Variants in WASF3 observed in about 807,000 individuals in gnomAD.
WASF3 encodes actin-binding protein WASF3.
Under a neutral mutation model 46.6 loss-of-function variants are expected in WASF3, and 11 were observed. The observed-to-expected ratio is 0.24, with a 90% CI of 0.15 to 0.39. WASF3 has a LOEUF of 0.39. Ranked by LOEUF, WASF3 falls within the 10% of genes least tolerant of loss-of-function variation. The pLI is 1.00. For missense variants in WASF3, 576 were observed against 669.8 expected (o/e 0.86, Z 1.55); for synonymous variants, 242 against 259.7 (o/e 0.93, Z 0.65).
At chr13:26,636,483 C>T (rs574849599) in intron 2 of WASF3, among the ~76,000 whole-genome samples, 13 of 152,296 alleles carry the variant, frequency 8.5e-5, no homozygotes, top group East Asian at 3.9e-4. Context: ...GGCAATGCCC[C>T]GCCCTGCTTT....
At position 26,685,838 on chromosome 13, in the gene WASF3, C is replaced by G. The variant is rs755745237; in HGVS notation, c.1502C>G (p.Ser501Cys). ...TCAGAGTTCGACGAGAACGACTGGT[C>G]CGACTGAGCAAAGGCCGGCGGAGAG... ...DDSEFDENDW[S>C]D Residue 501 changes from serine (S) to cysteine (C), a missense_variant, in exon 10 of 10, where the codon TCC becomes TGC. By Grantham distance (112) the Ser-to-Cys change is moderately radical. Coordinates refer to ENST00000335327, the MANE Select transcript of WASF3 (RefSeq NM_006646.6). 2 of 1,612,848 alleles carry G rather than the reference C, an allele frequency of 1.2e-6. No homozygotes were observed. Among genetic ancestry groups the G allele is most frequent in the Admixed American group, 1.7e-5 (1 of 60,010 alleles).
intron 9 of WASF3, among the ~76,000 whole-genome samples, chr13:26,684,954 G>A (rs1883355426): frequency 6.6e-6 from 1 of 152,158 alleles, no homozygotes; most frequent in African/African-American, 2.4e-5. Flanking sequence ...CGTGCATGGT[G>A]GCGTGCGCCG....
intron 1 of WASF3, among the ~76,000 whole-genome samples, chr13:26,582,690 A>AAC (rs1880018378): frequency 6.6e-6 from 1 of 150,808 alleles, no homozygotes; most frequent in Non-Finnish European, 1.5e-5. Context: ...AAAAAAAAAA[A>AAC]AAAAAAAAAG....
chr13:26,551,922 A>G, the WASF3 span, among the ~76,000 whole-genome samples: 1 of 152,236 alleles, frequency 6.6e-6, no homozygotes, highest in African/African-American at 2.4e-5. Context: ...AGACACAGTG[A>G]AGGAAAAACC....
rs1362956070 is a variant in WASF3, at chr13:26,577,596, C to G, written c.-109+19777C>G. 1.2e-5 allele frequency: 13 copies of G among 1,127,500 alleles called. No individual in the cohort carries two copies. In the East Asian group the frequency reaches 1.2e-4, roughly 10 times the overall value. The allele number at this position is 1,127,500 out of a possible 1,614,324, so 69.8% of individuals were successfully genotyped here. A position where few individuals can be genotyped will look rare whatever the true frequency, so the allele number is the denominator to read the frequency against. Reference sequence around the variant, plus strand: ...GAGCTTCATGGTGAAGGCAGTAGTTCTGGAAAAGCCACTGGGAGCAAGACA... The same window carrying G: ...GAGCTTCATGGTGAAGGCAGTAGTTGTGGAAAAGCCACTGGGAGCAAGACA... On this transcript the variant is annotated intron_variant, in intron 1 of 9. Transcript: ENST00000335327.
chr13:26,628,851 C>T (rs1881560884), intron 2 of WASF3, among the ~76,000 whole-genome samples: 2 of 152,220 alleles, frequency 1.3e-5, no homozygotes, highest in African/African-American at 4.8e-5. Flanking sequence ...TTTCTTGCCT[C>T]CAGCCCTAGG....
chr13:26,588,839 C>G (rs1880207375), intron 1 of WASF3, among the ~76,000 whole-genome samples: 1 of 152,090 alleles, frequency 6.6e-6, no homozygotes, highest in African/African-American at 2.4e-5. Context: ...ACTCTGTCAC[C>G]CAGGCTGGAG....
At chr13:26,610,289 C>T (rs1033737449) in intron 1 of WASF3, among the ~76,000 whole-genome samples, 1 of 152,210 alleles carries the variant, frequency 6.6e-6, no homozygotes, top group African/African-American at 2.4e-5. Context: ...GAAGCTGTCC[C>T]TGCCGTTGCC....
chr13:26,577,826 TTAATC>T (rs1201193174), intron 1 of WASF3, among the ~76,000 whole-genome samples: 1 of 152,216 alleles, frequency 6.6e-6, no homozygotes, highest in African/African-American at 2.4e-5. Flanking sequence ...TCTGTGCAAT[TTAATC>T]ATGTGTATAG....
At chr13:26,629,171 T>A (rs756077501) in intron 2 of WASF3, among the ~76,000 whole-genome samples, 1 of 152,208 alleles carries the variant, frequency 6.6e-6, no homozygotes. Context: ...GGTGGACTTA[T>A]CGATGATGCA....
At chr13:26,675,037 G>A (rs1883023189) in intron 6 of WASF3, among the ~76,000 whole-genome samples, 1 of 152,058 alleles carries the variant, frequency 6.6e-6, no homozygotes, top group South Asian at 2.1e-4. Context: ...TCTGAAAACG[G>A]TCCAGTTTTC....
intron 1 of WASF3, among the ~76,000 whole-genome samples, chr13:26,600,922 G>T (rs1880622555): frequency 6.6e-6 from 1 of 152,104 alleles, no homozygotes; most frequent in Non-Finnish European, 1.5e-5. Context: ...TTTCTTTGTG[G>T]CAGGGTAGAG....
chr13:26,556,707 T>C (rs1330705421), upstream of WASF3, among the ~76,000 whole-genome samples: 1 of 152,236 alleles, frequency 6.6e-6, no homozygotes, highest in Non-Finnish European at 1.5e-5. Flanking sequence ...AACTTTTAGT[T>C]GTCTCTAGCT....
chr13:26,624,200 T>C (rs1881396421), intron 2 of WASF3, among the ~76,000 whole-genome samples: 1 of 152,092 alleles, frequency 6.6e-6, no homozygotes, highest in African/African-American at 2.4e-5. Flanking sequence ...TAAAAATAAC[T>C]GTGATTAATG....
At chr13:26,563,141 A>T (rs1879351992) in intron 1 of WASF3, among the ~76,000 whole-genome samples, 1 of 149,066 alleles carries the variant, frequency 6.7e-6, no homozygotes, top group Non-Finnish European at 1.5e-5. Flanking sequence ...CTGACAGAAT[A>T]CTCTCTCCTG....
intron 3 of WASF3, among the ~76,000 whole-genome samples, chr13:26,658,898 A>T (rs193278432): frequency 3.9e-4 from 60 of 152,234 alleles, no homozygotes; most frequent in Middle Eastern, 3.4e-3. Flanking sequence ...TTGTTCACTT[A>T]TTCCGAAATC....
chr13:26,574,976 A>G (rs1328537589), intron 1 of WASF3, among the ~76,000 whole-genome samples: 1 of 151,914 alleles, frequency 6.6e-6, no homozygotes, highest in African/African-American at 2.4e-5. Context: ...AGCTGGGACT[A>G]CAGGCACCTG....
chr13:26,589,162 G>T (rs532649374), intron 1 of WASF3, among the ~76,000 whole-genome samples: 3 of 152,196 alleles, frequency 2.0e-5, no homozygotes, highest in Non-Finnish European at 4.4e-5. Context: ...TCAGTAGATG[G>T]ATAGTTACTT....
intron 1 of WASF3, among the ~76,000 whole-genome samples, chr13:26,570,104 G>A (rs954641624): frequency 3.9e-5 from 6 of 152,110 alleles, no homozygotes; most frequent in Non-Finnish European, 1.5e-5. Flanking sequence ...TGGCCAATGT[G>A]GTGAAACCCC....
Sources: allele counts gnomAD v4.1 joint callset (sites outside exome capture counted in the v4.1 genomes callset), GRCh38; gene constraint gnomAD v4.1.1; transcripts MANE v1.5; gene names NCBI Gene and HGNC (gene_info 2026-07-23, HGNC 2026-07-21).